STRBP: variants seen among roughly 807,000 people sequenced by gnomAD.
STRBP encodes spermatid perinuclear RNA-binding protein.
In STRBP, 13 loss-of-function variants were observed where a neutral mutation model predicts 80.1. The ratio of observed to expected loss-of-function variants is 0.16; its 90% CI spans 0.11 to 0.26. The LOEUF (loss-of-function observed/expected upper bound fraction) is 0.26, where lower values mean the gene tolerates loss of function less well. STRBP is among the 10% of genes least tolerant of loss of function. The pLI is 1.00. For missense variants in STRBP, 485 were observed against 815.2 expected, an observed-to-expected ratio of 0.59 and a Z score of 4.93; for synonymous variants, 284 against 291.2, an observed-to-expected ratio of 0.98 and a Z score of 0.25.
chr9:123,205,684 A>G (rs2039489446), intron 2 of STRBP, among the ~76,000 whole-genome samples: 1 of 152,218 alleles, frequency 6.6e-6, no homozygotes, highest in South Asian at 2.1e-4. Flanking sequence ...AAAAGTGCTA[A>G]AAATTAATAA....
At chr9:123,176,253 C>T (rs2038213415) in intron 4 of STRBP, among the ~76,000 whole-genome samples, 1 of 152,176 alleles carries the variant, frequency 6.6e-6, no homozygotes, top group African/African-American at 2.4e-5. Context: ...CCTATCCATC[C>T]TCTGAGCCTA....
At chr9:123,170,656 C>G (rs925454868) in intron 5 of STRBP, among the ~76,000 whole-genome samples, 7 of 152,206 alleles carry the variant, frequency 4.6e-5, no homozygotes, top group African/African-American at 1.4e-4. Flanking sequence ...CACTATGGGT[C>G]AAGTCATCTG....
In STRBP at chr9:123,136,614, C is replaced by A; in HGVS notation, c.1498-99G>T. On this transcript the variant is annotated intron_variant, in intron 14 of 18. Transcript: ENST00000348403. This position sits in a 1 kb window ranked among gnomAD's most constrained non-coding sequence, Gnocchi z 4.2. ...ATGCTAAGAAGGAGGCTCAAAAATT[C>A]TACTTCAAAGCACTCAGGGGCTAGA... 7.0e-7 allele frequency: 1 copy of A among 1,427,020 alleles called. No individual in the cohort carries two copies. The allele number at this position is 1,427,020 out of a possible 1,614,324, so 88.4% of individuals were successfully genotyped here.
rs187225194 is a variant in STRBP at position 123,183,393 on chromosome 9, C to T, written c.3+739G>A. Among the ~76,000 whole-genome samples, 209 of 151,780 alleles carry T rather than the reference C, an allele frequency of 1.4e-3. 1 individual carries two copies. The highest frequency in any genetic ancestry group is 4.8e-3 in the African/African-American group (199 of 41,356). On this transcript the variant is annotated intron_variant, in intron 3 of 18. Transcript: ENST00000348403. ...CGGAGGTTGCAGTGAGCCGAGATTG[C>T]GCCATTGCATTCCAGCCCGGGCAAC... is the stretch of plus-strand genomic sequence containing the variant.
chr9:123,226,917 G>A (rs1222052044), intron 2 of STRBP, among the ~76,000 whole-genome samples: 1 of 152,162 alleles, frequency 6.6e-6, no homozygotes. Context: ...AGACTAAGGG[G>A]CCACATCTGG....
chr9:123,255,136 C>T (rs2041002827), intron 1 of STRBP, among the ~76,000 whole-genome samples: 1 of 152,166 alleles, frequency 6.6e-6, no homozygotes. Flanking sequence ...TGCTATAAAT[C>T]TAAAAGAACC....
intron 2 of STRBP, among the ~76,000 whole-genome samples, chr9:123,184,874 T>G (rs575296904): frequency 2.6e-5 from 4 of 152,236 alleles, no homozygotes; most frequent in Non-Finnish European, 1.5e-5. Context: ...CTGTATGCAC[T>G]GCTATGCCAG....
chr9:123,123,757 T>C lies in STRBP; in HGVS notation c.*1840A>G, dbSNP rs1418731609. The C allele has an allele frequency of 3.0e-6, 3 of 985,288 alleles. No individual in the cohort carries two copies. The highest frequency in any genetic ancestry group is 1.7e-5 in the African/African-American group (1 of 57,234). 61.0% of individuals were successfully genotyped at this position (985,288 alleles called of 1,614,324 possible). On this transcript the variant is annotated 3_prime_UTR_variant, in exon 19 of 19. Transcript: ENST00000348403. ...TACAGCCGCAGCTGCCAATTAATAG[T>C]ATTCCAAAGACAATGAGGACTACTG... is the stretch of plus-strand genomic sequence containing the variant.
chr9:123,142,157 C>T (rs964325618), intron 13 of STRBP, among the ~76,000 whole-genome samples: 3 of 152,230 alleles, frequency 2.0e-5, no homozygotes, highest in Admixed American at 2.0e-4. Flanking sequence ...AATTGAAATC[C>T]CCAGTGTTGG....
chr9:123,249,604 G>A (rs764987576), intron 1 of STRBP, among the ~76,000 whole-genome samples: 8 of 152,162 alleles, frequency 5.3e-5, no homozygotes, highest in Non-Finnish European at 1.0e-4. Context: ...TTGCACCACT[G>A]CACTTCAGCC....
intron 2 of STRBP, among the ~76,000 whole-genome samples, chr9:123,223,259 A>C (rs1234916258): frequency 6.6e-6 from 1 of 152,198 alleles, no homozygotes; most frequent in Non-Finnish European, 1.5e-5. Flanking sequence ...TAAAGCATGA[A>C]AGTATTCTTT....
intron 2 of STRBP, among the ~76,000 whole-genome samples, chr9:123,206,585 G>A (rs2132522277): frequency 6.6e-6 from 1 of 152,212 alleles, no homozygotes; most frequent in African/African-American, 2.4e-5. Flanking sequence ...TGGGGTTCTT[G>A]CTACTTGTTT....
At chr9:123,169,576 T>C (rs2037921190) in intron 6 of STRBP, among the ~76,000 whole-genome samples, 1 of 152,110 alleles carries the variant, frequency 6.6e-6, no homozygotes, top group Non-Finnish European at 1.5e-5. Context: ...ATAGAATAAG[T>C]TGGCTGATAG....
At chr9:123,263,945 C>A (rs1028295608) in intron 1 of STRBP, among the ~76,000 whole-genome samples, 1 of 152,130 alleles carries the variant, frequency 6.6e-6, no homozygotes, top group Admixed American at 6.5e-5. Flanking sequence ...TTTGGGAGGC[C>A]GAGGCGGGTG....
intron 3 of STRBP, chr9:123,181,111 T>A: frequency 6.2e-6 from 1 of 162,300 alleles, no homozygotes; most frequent in Non-Finnish European, 1.3e-5. Context: ...AAAACAGAGC[T>A]AAAATAGATT....
In STRBP at chr9:123,122,950, C is replaced by T; in HGVS notation, c.*2647G>A. 1.0e-6 allele frequency: 1 copy of T among 985,466 alleles called. No homozygotes were observed. Among genetic ancestry groups the T allele is most frequent in the Non-Finnish European group, 1.2e-6 (1 of 829,946 alleles). 61.0% of individuals were successfully genotyped at this position (985,466 alleles called of 1,614,324 possible). ...TCCAAAGGAAAAGTTTTAAAACAGA[C>T]ACCGTGGCTTTGAACAAAGTATTGC... On this transcript the variant is annotated 3_prime_UTR_variant, in exon 19 of 19. Coordinates refer to ENST00000348403, the MANE Select transcript of STRBP (RefSeq NM_018387.5).
intron 2 of STRBP, among the ~76,000 whole-genome samples, chr9:123,228,953 T>C (rs2040321400): frequency 6.6e-6 from 1 of 152,188 alleles, no homozygotes; most frequent in Non-Finnish European, 1.5e-5. Flanking sequence ...CATCGACTGA[T>C]GAATGCACAA....
downstream of STRBP, among the ~76,000 whole-genome samples, chr9:123,120,741 T>A (rs1363623799): frequency 2.0e-5 from 3 of 152,206 alleles, no homozygotes; most frequent in African/African-American, 7.2e-5. Context: ...GTATTTGTTA[T>A]GAATTCATTT....
chr9:123,211,386 G>C (rs2039703120), intron 2 of STRBP, among the ~76,000 whole-genome samples: 1 of 152,058 alleles, frequency 6.6e-6, no homozygotes, highest in Non-Finnish European at 1.5e-5. Flanking sequence ...ACAGAAAGAG[G>C]GTGAATACAA....
Sources: gnomAD v4.1 joint callset for allele counts (sites outside exome capture counted in the v4.1 genomes callset) on GRCh38, gnomAD v4.1.1 for gene constraint, Gnocchi (gnomAD v3.1) non-coding constraint, MANE v1.5 for transcripts, NCBI Gene and HGNC (gene_info 2026-07-23, HGNC 2026-07-21) for gene names.